PAM: variants seen among roughly 807,000 people sequenced by gnomAD.
PAM encodes the protein peptidyl-glycine alpha-amidating monooxygenase.
Under a neutral mutation model 122.1 loss-of-function variants are expected in PAM, and 72 were observed. That is an observed-to-expected ratio of 0.59 (90% CI 0.49 to 0.72). The LOEUF is 0.72. PAM is among the 30% of genes least tolerant of loss of function. PAM has a pLI of 0.00. For synonymous variants in PAM, 389 were observed against 404.4 expected (o/e 0.96, Z 0.46); for missense variants, 1,106 against 1,183.7 (o/e 0.93, Z 0.96).
intron 17 of PAM, among the ~76,000 whole-genome samples, 175 bp from the exon 18 acceptor site, chr5:103,004,979 G>C (rs1194696655): frequency 6.6e-6 from 1 of 152,054 alleles, no homozygotes; most frequent in Non-Finnish European, 1.5e-5. Context: ...GTCACAAGGA[G>C]ATCTCATTAT....
At chr5:102,787,196 T>C (rs1760765373) in intron 1 of PAM, among the ~76,000 whole-genome samples, 1 of 152,120 alleles carries the variant, frequency 6.6e-6, no homozygotes, top group African/African-American at 2.4e-5. Context: ...TTTCAATCTA[T>C]TTCAAGTGGG....
At chr5:102,931,292 C>T (rs1447666169) in intron 7 of PAM, among the ~76,000 whole-genome samples, 1 of 152,164 alleles carries the variant, frequency 6.6e-6, no homozygotes, top group Non-Finnish European at 1.5e-5. Context: ...CCTAGTTAAG[C>T]TGTGTTTCGT....
chr5:102,810,311 A>G (rs1767521584), intron 1 of PAM, among the ~76,000 whole-genome samples: 1 of 152,190 alleles, frequency 6.6e-6, no homozygotes, highest in African/African-American at 2.4e-5. Flanking sequence ...AGTTTCCTTC[A>G]TGCTTGAATC....
chr5:102,922,146 C>G (rs1229579652), intron 5 of PAM, among the ~76,000 whole-genome samples: 1 of 151,890 alleles, frequency 6.6e-6, no homozygotes, highest in Non-Finnish European at 1.5e-5. Flanking sequence ...AGGTAAGTTT[C>G]ACCAAACATT....
At chr5:102,893,437 G>C (rs1795298588) in intron 3 of PAM, among the ~76,000 whole-genome samples, 1 of 151,702 alleles carries the variant, frequency 6.6e-6, no homozygotes, top group African/African-American at 2.4e-5. Flanking sequence ...TGTGGGAGAG[G>C]AATGTGAATA....
intron 1 of PAM, among the ~76,000 whole-genome samples, chr5:102,786,423 C>T (rs1167134728): frequency 1.3e-5 from 2 of 152,156 alleles, no homozygotes; most frequent in Non-Finnish European, 2.9e-5. Flanking sequence ...AGTGTAAGCT[C>T]TTATTAATAT....
At chr5:103,003,496 T>A (rs1778021234) in intron 17 of PAM, among the ~76,000 whole-genome samples, 1 of 152,178 alleles carries the variant, frequency 6.6e-6, no homozygotes, top group Admixed American at 6.6e-5. Context: ...GTGATGGATA[T>A]GTTCATTAGC....
chr5:102,778,030 G>A (rs914711858), intron 1 of PAM, among the ~76,000 whole-genome samples: 2 of 152,242 alleles, frequency 1.3e-5, no homozygotes, highest in African/African-American at 2.4e-5. Context: ...ATGGCATTGT[G>A]CCGTCTTGGG....
At chr5:102,802,309 G>A (rs575266193) in intron 1 of PAM, among the ~76,000 whole-genome samples, 1 of 152,304 alleles carries the variant, frequency 6.6e-6, no homozygotes, top group East Asian at 1.9e-4. Context: ...TTTATAATTT[G>A]TGTTTAGTTT....
At chr5:102,985,647 C>T (rs1028101231) in intron 15 of PAM, among the ~76,000 whole-genome samples, 7 of 152,000 alleles carry the variant, frequency 4.6e-5, no homozygotes, top group African/African-American at 1.4e-4. Flanking sequence ...CCAGATGGTA[C>T]TGCTGAATTC....
At chr5:102,934,547 C>A (rs1326942464) in intron 7 of PAM, among the ~76,000 whole-genome samples, 4 of 152,142 alleles carry the variant, frequency 2.6e-5, no homozygotes, top group African/African-American at 9.7e-5. Context: ...TCTACCAACT[C>A]TCCTTTTTTC....
intron 24 of PAM, among the ~76,000 whole-genome samples, chr5:103,027,580 A>G (rs1470794986): frequency 6.6e-6 from 1 of 152,102 alleles, no homozygotes; most frequent in African/African-American, 2.4e-5. Context: ...TGTTGGGAAC[A>G]TTTAGGTCAC....
intron 15 of PAM, among the ~76,000 whole-genome samples, chr5:102,988,960 T>TC (rs796601814): frequency 2.4e-4 from 36 of 152,130 alleles, no homozygotes; most frequent in African/African-American, 7.7e-4. Context: ...CTTCTCTTTC[T>TC]CCCCCCAGTC....
At chr5:102,988,470 T>C (rs1772721822) in intron 15 of PAM, among the ~76,000 whole-genome samples, 1 of 152,186 alleles carries the variant, frequency 6.6e-6, no homozygotes, top group African/African-American at 2.4e-5. Context: ...TATTATATCC[T>C]TTTATTTACT....
chr5:102,947,022 C>G, intron 8 of PAM, 137 bp downstream of exon 8: 1 of 695,018 alleles, frequency 1.4e-6, no homozygotes, highest in South Asian at 1.5e-5. Flanking sequence ...TGTATTGTCT[C>G]ATTTTCCTGT....
intron 22 of PAM, among the ~76,000 whole-genome samples, chr5:103,018,390 G>T (rs1240416412): frequency 2.0e-5 from 3 of 152,142 alleles, no homozygotes; most frequent in South Asian, 2.1e-4. Flanking sequence ...AATCAGATAC[G>T]ATATAGGGCT....
chr5:102,998,810 G>C (rs1020820711), intron 16 of PAM, among the ~76,000 whole-genome samples: 2 of 152,106 alleles, frequency 1.3e-5, no homozygotes, highest in African/African-American at 4.8e-5. Flanking sequence ...ACATTATTTA[G>C]ATTGCCATTG....
Position 102,819,780 on chromosome 5 carries a change from G to T in PAM, c.-373-46043G>T, listed in dbSNP as rs1771129383. ...ATGTCTCGTACTCTGAAAATGTGCAGTTCTGGCAGTTACCCTGGATGGTTA... is the reference window on the plus strand; with the variant it reads ...ATGTCTCGTACTCTGAAAATGTGCATTTCTGGCAGTTACCCTGGATGGTTA... On this transcript the variant is annotated intron_variant, in intron 1 of 25. Coordinates refer to ENST00000438793, the MANE Select transcript of PAM (RefSeq NM_001177306.2). 2.6e-5 allele frequency among the ~76,000 whole-genome samples: 4 copies of T among 152,258 alleles called. No individual in the cohort carries two copies. The South Asian group carries it at 8.3e-4, about 32-fold the overall frequency.
chr5:103,017,694 C>A (rs1432514504), intron 22 of PAM, among the ~76,000 whole-genome samples: 2 of 152,240 alleles, frequency 1.3e-5, no homozygotes, highest in African/African-American at 2.4e-5. Flanking sequence ...ACATTAATTC[C>A]AGCTTAGTTC....
Sources: gnomAD v4.1 joint callset for allele counts (sites outside exome capture counted in the v4.1 genomes callset) on GRCh38, gnomAD v4.1.1 for gene constraint, MANE v1.5 for transcripts, NCBI Gene and HGNC (gene_info 2026-07-23, HGNC 2026-07-21) for gene names.